The following DNAJC6 variants were observed in gnomAD, a reference collection of about 807,000 sequenced individuals.
DNAJC6 encodes the protein DnaJ heat shock protein family (Hsp40) member C6, also known as auxilin.
Under a neutral mutation model 110.0 loss-of-function variants are expected in DNAJC6, and 34 were observed. That is an observed-to-expected ratio of 0.31 (90% CI 0.24 to 0.41). DNAJC6 has a LOEUF of 0.41. Ranked by LOEUF, DNAJC6 falls within the 10% of genes least tolerant of loss-of-function variation. DNAJC6 has a pLI of 1.00. For missense variants in DNAJC6, 1,031 were observed against 1,207.8 expected (o/e 0.85, Z 2.17); for synonymous variants, 406 against 437.2 (o/e 0.93, Z 0.89).
At chr1:65,317,016 T>C (rs1022095798) in intron 1 of DNAJC6, among the ~76,000 whole-genome samples, 5 of 152,186 alleles carry the variant, frequency 3.3e-5, no homozygotes, top group African/African-American at 9.7e-5. Context: ...TAGATCTGTG[T>C]ATTTCTTAAT....
intron 1 of DNAJC6, among the ~76,000 whole-genome samples, chr1:65,353,487 C>T (rs921249873): frequency 7.2e-5 from 11 of 152,150 alleles, no homozygotes; most frequent in African/African-American, 2.7e-4. Flanking sequence ...GCACCTGTAG[C>T]CTGATTTCTT....
At chr1:65,344,446 G>A (rs905626268) in intron 1 of DNAJC6, among the ~76,000 whole-genome samples, 1 of 152,112 alleles carries the variant, frequency 6.6e-6, no homozygotes, top group Non-Finnish European at 1.5e-5. Flanking sequence ...CATGACATCC[G>A]ACTCTTTTGA....
chr1:65,403,141 T>G lies in DNAJC6; in HGVS notation c.2227+1261T>G, dbSNP rs542931662. Among the ~76,000 whole-genome samples, 5 of 152,272 alleles carry G rather than the reference T, an allele frequency of 3.3e-5. No homozygotes were observed. The South Asian group carries it at 1.0e-3, about 32-fold the overall frequency. ...TGTCAAATAATGAAAACAATAAAAATAACAGTTAATAGTTATTGGGGCCTT... is the reference window on the plus strand; with the variant it reads ...TGTCAAATAATGAAAACAATAAAAAGAACAGTTAATAGTTATTGGGGCCTT... On this transcript the variant is annotated intron_variant, in intron 15 of 18. Coordinates refer to ENST00000371069, the MANE Select transcript of DNAJC6 (RefSeq NM_001256864.2).
In DNAJC6 at chr1:65,289,369, G is replaced by A. The variant is rs754372550; in HGVS notation, c.-131+24437G>A. ...TGCCACCAAGCCTGGTTAATCTTTT[G>A]TATTTTTAGTAGAGACGGGGTTTTG... On this transcript the variant is annotated intron_variant, in intron 1 of 19. Coordinates refer to the DNAJC6 transcript ENST00000263441. 3.3e-5 allele frequency among the ~76,000 whole-genome samples: 5 copies of A among 152,026 alleles called. No individual in the cohort carries two copies. The South Asian group carries it at 8.3e-4, about 25-fold the overall frequency.
chr1:65,322,508 T>C (rs995427842), intron 1 of DNAJC6, among the ~76,000 whole-genome samples: 4 of 152,198 alleles, frequency 2.6e-5, no homozygotes, highest in African/African-American at 4.8e-5. Flanking sequence ...CCTTATTTTC[T>C]CTAACGATTG....
chr1:65,337,615 C>T (rs530086178), intron 1 of DNAJC6, among the ~76,000 whole-genome samples: 1 of 151,870 alleles, frequency 6.6e-6, no homozygotes, highest in African/African-American at 2.4e-5. Flanking sequence ...TTCAACCAAC[C>T]CTGAATCAAA....
chr1:65,354,550 A>G (rs1167357993), intron 1 of DNAJC6, among the ~76,000 whole-genome samples: 1 of 152,192 alleles, frequency 6.6e-6, no homozygotes, highest in African/African-American at 2.4e-5. Flanking sequence ...TCATTCTCCT[A>G]TGTTTATATT....
At chr1:65,378,570 T>G (rs1047449374) in intron 4 of DNAJC6, among the ~76,000 whole-genome samples, 1 of 152,190 alleles carries the variant, frequency 6.6e-6, no homozygotes, top group Non-Finnish European at 1.5e-5. Flanking sequence ...ACTCTAAGCT[T>G]CTCCTTGTTG....
chr1:65,379,320 G>A, intron 4 of DNAJC6, 82 bp from the exon 5 acceptor site: 1 of 1,549,136 alleles, frequency 6.5e-7, no homozygotes, highest in South Asian at 1.2e-5. Context: ...ATCACTTCCA[G>A]AAGATGTTGG....
chr1:65,302,106 TAATATATATATATATATAAAA>T (rs1557507904), intron 1 of DNAJC6, among the ~76,000 whole-genome samples: 1 of 66,322 alleles, frequency 1.5e-5, no homozygotes, highest in African/African-American at 4.2e-5. Flanking sequence ...ATATAATATA[TAATATATATATATATATAAAA>T]AATATATATA....
chr1:65,398,872 G>A lies in DNAJC6; in HGVS notation c.2098G>A (p.Ala700Thr), dbSNP rs1346921558. The change falls in exon 14 of 19, where the codon GCT becomes ACT. Residue 700 changes from alanine (A) to threonine (T), a missense_variant. Ala to Thr is a moderately conservative substitution (Grantham distance 58, BLOSUM62 0). Transcript: ENST00000371069. ...PDVSGGWDWH[A>T]KPGGFGMGSK... The stretch of plus-strand genomic sequence containing the variant: ...TGTTTCTGGAGGTTGGGACTGGCAT[G>A]CTAAACCAGGTAAAAGCAGGTTATT... 1 of 1,614,072 alleles carries A rather than the reference G, an allele frequency of 6.2e-7. No individual in the cohort carries two copies. The highest frequency in any genetic ancestry group is 1.7e-5 in the Admixed American group (1 of 60,012).
At chr1:65,300,511 A>G (rs959508762) in intron 1 of DNAJC6, among the ~76,000 whole-genome samples, 5 of 152,210 alleles carry the variant, frequency 3.3e-5, no homozygotes, top group African/African-American at 1.2e-4. Flanking sequence ...AAGACATGAA[A>G]GAGACTGAAA....
In DNAJC6 at chr1:65,389,528, T is replaced by TG. The variant is rs1320768824; in HGVS notation, c.1388-17dup. ...TTTCCTGTGTCTCATTGATGCTACA[T>TG]GGTCTTTTTGTCTTGCAGGACAGGC... On this transcript the variant is annotated intron_variant, in intron 10 of 18. Transcript: ENST00000371069. 6 of 1,613,972 alleles carry TG rather than the reference T, an allele frequency of 3.7e-6. No homozygotes were observed. The highest frequency in any genetic ancestry group is 5.1e-6 in the Non-Finnish European group (6 of 1,179,978).
intron 1 of DNAJC6, among the ~76,000 whole-genome samples, chr1:65,316,262 T>C (rs772809516): frequency 1.8e-4 from 27 of 152,208 alleles, no homozygotes; most frequent in Non-Finnish European, 4.4e-5. Flanking sequence ...TCCATCTTTA[T>C]GTTTTTGCAT....
chr1:65,322,179 C>T (rs961322908), intron 1 of DNAJC6, among the ~76,000 whole-genome samples: 1 of 152,120 alleles, frequency 6.6e-6, no homozygotes. Context: ...TGTTTTCAAG[C>T]CATTGCATGA....
At chr1:65,301,286 C>A (rs573573628) in intron 1 of DNAJC6, among the ~76,000 whole-genome samples, 1 of 152,092 alleles carries the variant, frequency 6.6e-6, no homozygotes, top group Non-Finnish European at 1.5e-5. Flanking sequence ...CAACAAAAAT[C>A]AACACAAATT....
intron 1 of DNAJC6, among the ~76,000 whole-genome samples, chr1:65,303,626 T>C (rs1214597902): frequency 2.0e-5 from 3 of 152,090 alleles, no homozygotes; most frequent in African/African-American, 7.2e-5. Flanking sequence ...TGGCATGATC[T>C]CGGCTCACTG....
Position 65,364,628 on chromosome 1 carries a change from TTGGCAGG to T in DNAJC6, c.194-4_196del. On this transcript the variant is annotated splice_acceptor_variant and splice_polypyrimidine_tract_variant and coding_sequence_variant and intron_variant, in exon 2 of 19. Coordinates refer to ENST00000371069, the MANE Select transcript of DNAJC6 (RefSeq NM_001256864.2). LOFTEE classifies it high-confidence loss of function. ...TTTGTTTGTTTGTTTTTTTTTTTTT[TTGGCAGG>T]TGCCTCATCTCCAGACATGGAGCCC... 4 of 1,555,352 alleles carry T rather than the reference TTGGCAGG, an allele frequency of 2.6e-6. No individual in the cohort carries two copies. The highest frequency in any genetic ancestry group is 2.2e-5 in the Admixed American group (1 of 46,386).
intron 1 of DNAJC6, among the ~76,000 whole-genome samples, chr1:65,314,215 AG>A (rs1041335263): frequency 1.4e-4 from 21 of 151,768 alleles, no homozygotes; most frequent in Non-Finnish European, 2.5e-4. Context: ...TTAAAAAAAA[AG>A]AATAAGGATA....
Sources: gnomAD v4.1 joint callset for allele counts (sites outside exome capture counted in the v4.1 genomes callset) on GRCh38, gnomAD v4.1.1 for gene constraint, MANE v1.5 for transcripts, NCBI Gene and HGNC (gene_info 2026-07-23, HGNC 2026-07-21) for gene names.